Variants in ZBTB8B observed in about 807,000 individuals in gnomAD.
The protein encoded by ZBTB8B is zinc finger and BTB domain containing 8B, also known as zinc finger and BTB domain-containing protein 8B.
Under a neutral mutation model 30.3 loss-of-function variants are expected in ZBTB8B, and 17 were observed. The observed-to-expected ratio is 0.56, with a 90% CI of 0.38 to 0.84. The LOEUF is 0.84. ZBTB8B is among the 40% of genes least tolerant of loss of function. The pLI, the probability that ZBTB8B is intolerant of heterozygous loss-of-function variation, is 0.00. For synonymous variants in ZBTB8B, 248 were observed against 255.6 expected (o/e 0.97, Z 0.28); for missense variants, 515 against 644.9 (o/e 0.80, Z 2.18).
intron 1 of ZBTB8B, among the ~76,000 whole-genome samples, chr1:32,467,049 TG>T (rs1015430826): frequency 1.3e-5 from 2 of 151,950 alleles, no homozygotes; most frequent in Non-Finnish European, 2.9e-5. Context: ...CACAGCTACT[TG>T]GGAGGCTGAG....
chr1:32,470,514 A>AAAAAG, intron 1 of ZBTB8B, 70 bp from the exon 2 acceptor site: 3 of 1,100,542 alleles, frequency 2.7e-6, no homozygotes, highest in East Asian at 7.2e-5. Flanking sequence ...AAAAAAAAAA[A>AAAAAG]AAAAAAAAAA....
chr1:32,468,554 G>T (rs1012597896), intron 1 of ZBTB8B, among the ~76,000 whole-genome samples: 1 of 151,980 alleles, frequency 6.6e-6, no homozygotes, highest in African/African-American at 2.4e-5. Context: ...CATCAAAGCC[G>T]AAAAAAGGCA....
chr1:32,471,352 G>A lies in ZBTB8B; in HGVS notation c.728G>A (p.Gly243Asp), dbSNP rs1557681021. 1 of 1,551,802 alleles carries A rather than the reference G, an allele frequency of 6.4e-7. No homozygotes were observed. The highest frequency in any genetic ancestry group is 1.2e-5 in the South Asian group (1 of 84,066). ...FDADEVEVDVGEQLQQYAAPL... is the reference protein window; with the variant it reads ...FDADEVEVDVDEQLQQYAAPL... ...GCTGATGAAGTGGAGGTGGACGTTG[G>A]TGAACAGCTGCAGCAGTATGCTGCC... is the stretch of plus-strand genomic sequence containing the variant. Residue 243 changes from glycine (G) to aspartate (D), a missense_variant, in exon 2 of 4, where the codon GGT becomes GAT. Physicochemically the swap from Gly to Asp is moderately conservative, Grantham distance 94 (BLOSUM62 -1). Coordinates refer to ENST00000609129, the MANE Select transcript of ZBTB8B (RefSeq NM_001145720.2).
intron 2 of ZBTB8B, among the ~76,000 whole-genome samples, chr1:32,472,596 T>G (rs1248623267): frequency 6.6e-6 from 1 of 151,310 alleles, no homozygotes; most frequent in East Asian, 2.0e-4. Flanking sequence ...TGCCATCTAC[T>G]TGAGACTATT....
rs1430059176 is a variant in ZBTB8B at position 32,486,433 on chromosome 1, C to T, written c.*1015C>T. On this transcript the variant is annotated 3_prime_UTR_variant, in exon 4 of 4. Transcript: ENST00000609129. Reference sequence around the variant, plus strand: ...CAACAGCAGCTAAGGGGCCGCTCCTCGTGGAGCAGGGCTACACCATAGGCA... The same window carrying T: ...CAACAGCAGCTAAGGGGCCGCTCCTTGTGGAGCAGGGCTACACCATAGGCA... The T allele has an allele frequency of 2.0e-5, 3 of 152,228 alleles. No individual in the cohort carries two copies. The highest frequency in any genetic ancestry group is 7.2e-5 in the African/African-American group (3 of 41,444). 9.4% of individuals were successfully genotyped at this position (152,228 alleles called of 1,614,324 possible). A position where few individuals can be genotyped will look rare whatever the true frequency, so the allele number is the denominator to read the frequency against.
chr1:32,486,728 A>G lies in ZBTB8B; in HGVS notation c.*1310A>G, dbSNP rs903802776. On this transcript the variant is annotated 3_prime_UTR_variant, in exon 4 of 4. Transcript: ENST00000609129. ...CACCGCCCTGTTTTAGCTAGTCCTCAATTTGGTCCATGTCCGAGTCCGGCC... is the reference window on the plus strand; with the variant it reads ...CACCGCCCTGTTTTAGCTAGTCCTCGATTTGGTCCATGTCCGAGTCCGGCC... 7 of 152,076 alleles carry G rather than the reference A, an allele frequency of 4.6e-5. No individual in the cohort carries two copies. The highest frequency in any genetic ancestry group is 1.7e-4 in the African/African-American group (7 of 41,406). The allele number at this position is 152,076 out of a possible 1,614,324, so 9.4% of individuals were successfully genotyped here.
chr1:32,478,481 CA>C (rs1643680329), intron 2 of ZBTB8B, among the ~76,000 whole-genome samples: 1 of 152,112 alleles, frequency 6.6e-6, no homozygotes, highest in South Asian at 2.1e-4. Context: ...CACTGTACTC[CA>C]GCCTGGGTGA....
rs1407299510 is a variant in ZBTB8B, at chr1:32,465,572, G to A, written c.-42+467G>A. Among the ~76,000 whole-genome samples the A allele has an allele frequency of 1.3e-5, 2 of 152,238 alleles. No individual in the cohort carries two copies. Among genetic ancestry groups the A allele is most frequent in the African/African-American group, 4.8e-5 (2 of 41,464 alleles). Reference sequence around the variant, plus strand: ...TCTGATGCTGGACGGGGGAGGGTCTGTCTTGCGAGCAGTTTAGATGCAGTT... The same window carrying A: ...TCTGATGCTGGACGGGGGAGGGTCTATCTTGCGAGCAGTTTAGATGCAGTT... On this transcript the variant is annotated intron_variant, in intron 1 of 3. Coordinates refer to ENST00000609129, the MANE Select transcript of ZBTB8B (RefSeq NM_001145720.2). This position sits in a 1 kb window ranked among gnomAD's most constrained non-coding sequence, Gnocchi z 4.1.
intron 1 of ZBTB8B, among the ~76,000 whole-genome samples, chr1:32,467,074 T>C (rs1300317264): frequency 2.0e-5 from 3 of 152,084 alleles, no homozygotes; most frequent in Non-Finnish European, 4.4e-5. Flanking sequence ...GGAGGATTGC[T>C]TGAGCCTGGG....
At chr1:32,470,523 A>AAG (rs1643608563) in intron 1 of ZBTB8B, 61 bp from the exon 2 acceptor site, 1 of 1,173,976 alleles carries the variant, frequency 8.5e-7, no homozygotes, top group South Asian at 1.8e-5. Context: ...AAAAAAAAAA[A>AAG]AAAGAAATCT....
At chr1:32,468,816 G>A (rs947955587) in intron 1 of ZBTB8B, among the ~76,000 whole-genome samples, 4 of 151,110 alleles carry the variant, frequency 2.6e-5, no homozygotes, top group African/African-American at 7.3e-5. Flanking sequence ...AGCCGAGATC[G>A]CGCCATTGCA....
In ZBTB8B at chr1:32,467,642, C is replaced by T. The variant is rs114329194; in HGVS notation, c.-42+2537C>T. Among the ~76,000 whole-genome samples the T allele has an allele frequency of 2.5e-3, 374 of 152,200 alleles. 2 individuals are homozygous for T. Among genetic ancestry groups the T allele is most frequent in the African/African-American group, 8.6e-3 (359 of 41,532 alleles). On this transcript the variant is annotated intron_variant, in intron 1 of 3. Transcript: ENST00000609129. The stretch of plus-strand genomic sequence containing the variant: ...TTTTTGCTTAACAAATCTATTTTGT[C>T]CAAAGCACTCTGCCAGATACTGTAA...
chr1:32,466,654 T>C (rs1251171211), intron 1 of ZBTB8B, among the ~76,000 whole-genome samples: 2 of 151,942 alleles, frequency 1.3e-5, no homozygotes, highest in African/African-American at 2.4e-5. Flanking sequence ...CGTCAGGAAG[T>C]AGAATAAAAA....
In ZBTB8B at chr1:32,479,677, G is replaced by A. The variant is rs369102341; in HGVS notation, c.992-1214G>A. Among the ~76,000 whole-genome samples, 61 of 152,310 alleles carry A rather than the reference G, an allele frequency of 4.0e-4. No homozygotes were observed. The South Asian group carries it at 6.8e-3, about 17-fold the overall frequency. ...ACAGGATCCGCAGGGCTGACTTTGG[G>A]ACTTGAGCATCCTTGGATTTTGGTA... On this transcript the variant is annotated intron_variant, in intron 2 of 3. Coordinates refer to ENST00000609129, the MANE Select transcript of ZBTB8B (RefSeq NM_001145720.2).
rs539632072 is a variant in ZBTB8B at position 32,495,930 on chromosome 1, G to A, written c.*10512G>A. Reference sequence around the variant, plus strand: ...TGAATGAATGCAATAAGGAATTGAGGATCGTCTCACATTAATGAGTGAATA... The same window carrying A: ...TGAATGAATGCAATAAGGAATTGAGAATCGTCTCACATTAATGAGTGAATA... On this transcript the variant is annotated 3_prime_UTR_variant, in exon 4 of 4. Coordinates refer to ENST00000609129, the MANE Select transcript of ZBTB8B (RefSeq NM_001145720.2). The A allele has an allele frequency of 5.9e-5, 9 of 152,164 alleles. No homozygotes were observed. The highest frequency in any genetic ancestry group is 3.9e-4 in the Admixed American group (6 of 15,278). The allele number at this position is 152,164 out of a possible 1,614,324, so 9.4% of individuals were successfully genotyped here.
In ZBTB8B at chr1:32,465,403, T is replaced by G. The variant is rs1643563683; in HGVS notation, c.-42+298T>G. Among the ~76,000 whole-genome samples the G allele has an allele frequency of 6.6e-6, 1 of 152,084 alleles. No homozygotes were observed. Among genetic ancestry groups the G allele is most frequent in the East Asian group, 1.9e-4 (1 of 5,170 alleles). On this transcript the variant is annotated intron_variant, in intron 1 of 3. Coordinates refer to ENST00000609129, the MANE Select transcript of ZBTB8B (RefSeq NM_001145720.2). The surrounding 1 kb of genome is among the most constrained non-coding windows in gnomAD (Gnocchi z 4.1). The stretch of plus-strand genomic sequence containing the variant: ...TTCCACGGTGAATGGTGCCCAGGCG[T>G]GGGGGGCTCGGCCACACTGGAGAAG...
chr1:32,487,529 T>C lies in ZBTB8B; in HGVS notation c.*2111T>C, dbSNP rs1159175865. ...AGAATGGAAAATTTAAAACTTCTCT[T>C]ATCACAGGTAGTTCGATAAATATCA... On this transcript the variant is annotated 3_prime_UTR_variant, in exon 4 of 4. Transcript: ENST00000609129. The C allele has an allele frequency of 6.6e-6, 1 of 152,204 alleles. No individual in the cohort carries two copies. Among genetic ancestry groups the C allele is most frequent in the African/African-American group, 2.4e-5 (1 of 41,446 alleles). The allele number at this position is 152,204 out of a possible 1,614,324, so 9.4% of individuals were successfully genotyped here.
At chr1:32,476,108 G>A (rs1382011296) in intron 2 of ZBTB8B, among the ~76,000 whole-genome samples, 1 of 151,822 alleles carries the variant, frequency 6.6e-6, no homozygotes, top group Admixed American at 6.6e-5. Context: ...GTGAGCTGCT[G>A]TGCCTGGCCA....
At chr1:32,480,088 T>C (rs191201637) in intron 2 of ZBTB8B, among the ~76,000 whole-genome samples, 2 of 152,230 alleles carry the variant, frequency 1.3e-5, no homozygotes, top group Admixed American at 6.5e-5. Flanking sequence ...ATTCAGAGGG[T>C]TGTATTAGTC....
Sources: allele counts gnomAD v4.1 joint callset (sites outside exome capture counted in the v4.1 genomes callset), GRCh38; gene constraint gnomAD v4.1.1; non-coding constraint Gnocchi (gnomAD v3.1); transcripts MANE v1.5; gene names NCBI Gene and HGNC (gene_info 2026-07-23, HGNC 2026-07-21).